The following HTR1E variants were observed in gnomAD, a reference collection of about 807,000 sequenced individuals.
HTR1E encodes 5-HT-1E.
A neutral mutation model predicts 3.4 loss-of-function variants in HTR1E; 3 were observed. That is an observed-to-expected ratio of 0.89 (90% CI 0.41 to 2.31). HTR1E has a LOEUF of 2.31. Among genes scored for constraint, HTR1E ranks in the 30% most tolerant of loss-of-function variants. The pLI is 0.05. For missense variants in HTR1E, 392 were observed against 467.0 expected, an observed-to-expected ratio of 0.84 and a Z score of 1.48; for synonymous variants, 170 against 182.8, an observed-to-expected ratio of 0.93 and a Z score of 0.56.
At chr6:86,978,626 G>A (rs1156736510) in intron 1 of HTR1E, among the ~76,000 whole-genome samples, 3 of 152,096 alleles carry the variant, frequency 2.0e-5, no homozygotes, top group Non-Finnish European at 4.4e-5. Flanking sequence ...ATTGACTTGG[G>A]CTTTTGTACT....
intron 1 of HTR1E, among the ~76,000 whole-genome samples, chr6:86,966,234 TAAGTGATTG>T (rs1444912853): frequency 6.6e-6 from 1 of 152,070 alleles, no homozygotes; most frequent in Non-Finnish European, 1.5e-5. Context: ...AAAGTCAGGT[TAAGTGATTG>T]AGTCCAAGGT....
rs759859497 is a variant in HTR1E, at chr6:87,016,135, C to G, written c.801C>G (p.Pro267=). 1 of 1,614,092 alleles carries G rather than the reference C, an allele frequency of 6.2e-7. No individual in the cohort carries two copies. The highest frequency in any genetic ancestry group is 1.3e-5 in the African/African-American group (1 of 74,936). Residue 267 remains proline (P), a synonymous_variant, in exon 2 of 2, where the codon CCC becomes CCG. Coordinates refer to ENST00000305344, the MANE Select transcript of HTR1E (RefSeq NM_000865.3). ...TCCATGCCTCCATCAGGATCCCCCCCTTCGACAATGATCTAGATCACCCAG... is the reference window on the plus strand; with the variant it reads ...TCCATGCCTCCATCAGGATCCCCCCGTTCGACAATGATCTAGATCACCCAG... The part of the protein sequence containing the change: ...EKFHASIRIP[P]FDNDLDHPGE...
At chr6:86,958,960 G>A (rs2127819858) in intron 1 of HTR1E, among the ~76,000 whole-genome samples, 1 of 148,162 alleles carries the variant, frequency 6.7e-6, no homozygotes, top group East Asian at 1.9e-4. Flanking sequence ...GTGTGTGTGT[G>A]TGTGTGTGTG....
chr6:87,006,474 G>T (rs1244009990), intron 1 of HTR1E, among the ~76,000 whole-genome samples: 1 of 152,218 alleles, frequency 6.6e-6, no homozygotes, highest in East Asian at 1.9e-4. Flanking sequence ...TACACTGTTA[G>T]TGGGAATGTA....
At chr6:86,964,339 G>A (rs1767445485) in intron 1 of HTR1E, among the ~76,000 whole-genome samples, 1 of 152,188 alleles carries the variant, frequency 6.6e-6, no homozygotes, top group Non-Finnish European at 1.5e-5. Flanking sequence ...CTAAGTGCAT[G>A]AATATGTGCA....
At chr6:86,997,093 C>T (rs1767950743) in intron 1 of HTR1E, among the ~76,000 whole-genome samples, 1 of 151,872 alleles carries the variant, frequency 6.6e-6, no homozygotes, top group Non-Finnish European at 1.5e-5. Flanking sequence ...AGAAAAATCA[C>T]ATGATGATAT....
chr6:86,962,058 A>C (rs1767415913), intron 1 of HTR1E, among the ~76,000 whole-genome samples: 1 of 152,186 alleles, frequency 6.6e-6, no homozygotes, highest in East Asian at 1.9e-4. Context: ...CACAAGATCA[A>C]GCACTGGGTG....
At chr6:86,961,000 A>G (rs1767400531) in intron 1 of HTR1E, among the ~76,000 whole-genome samples, 1 of 152,268 alleles carries the variant, frequency 6.6e-6, no homozygotes, top group East Asian at 1.9e-4. Context: ...CATATACTGT[A>G]TGTTTATCTA....
intron 1 of HTR1E, among the ~76,000 whole-genome samples, chr6:86,975,340 G>T (rs1767615167): frequency 6.6e-6 from 1 of 151,960 alleles, no homozygotes; most frequent in Admixed American, 6.5e-5. Flanking sequence ...TTCCATATAT[G>T]TCTCCCATCT....
At chr6:86,968,153 T>C (rs1172524760) in intron 1 of HTR1E, among the ~76,000 whole-genome samples, 1 of 152,232 alleles carries the variant, frequency 6.6e-6, no homozygotes, top group Non-Finnish European at 1.5e-5. Context: ...TTTTTAATGG[T>C]TGCATCCTAT....
intron 1 of HTR1E, among the ~76,000 whole-genome samples, chr6:86,985,259 G>A (rs911694050): frequency 4.6e-5 from 7 of 151,790 alleles, no homozygotes; most frequent in Non-Finnish European, 8.8e-5. Flanking sequence ...ATGTAGGAGC[G>A]CCAAAACTAG....
At chr6:86,938,363 G>C (rs912777853) in intron 1 of HTR1E, among the ~76,000 whole-genome samples, 1 of 152,148 alleles carries the variant, frequency 6.6e-6, no homozygotes, top group African/African-American at 2.4e-5. Context: ...AATGAGGCAG[G>C]CTCATTTTTT....
At position 87,007,571 on chromosome 6, in the gene HTR1E, A is replaced by G. The variant is rs138869408; in HGVS notation, c.-185-7579A>G. Among the ~76,000 whole-genome samples the G allele has an allele frequency of 1.6e-3, 237 of 152,310 alleles. 4 individuals carry two copies. The highest frequency in any genetic ancestry group is 5.8e-4 in the East Asian group (3 of 5,194). On this transcript the variant is annotated intron_variant, in intron 1 of 1. Transcript: ENST00000305344. ...TGATTACTTGTTGTATGCCTGTATC[A>G]AAATATCTCATATACCCCCTAAATA...
At chr6:86,972,371 AAAAGGTTACCT>A (rs1767571997) in intron 1 of HTR1E, among the ~76,000 whole-genome samples, 1 of 152,194 alleles carries the variant, frequency 6.6e-6, no homozygotes, top group Non-Finnish European at 1.5e-5. Flanking sequence ...CAGGGGAAAA[AAAAGGTTACCT>A]AAACTGAGTG....
At chr6:86,953,171 C>A (rs981489117) in intron 1 of HTR1E, among the ~76,000 whole-genome samples, 1 of 152,108 alleles carries the variant, frequency 6.6e-6, no homozygotes, top group Non-Finnish European at 1.5e-5. Context: ...TAAAAACATA[C>A]ACAGATACAA....
intron 1 of HTR1E, among the ~76,000 whole-genome samples, chr6:86,998,865 T>A (rs1767979001): frequency 6.6e-6 from 1 of 152,076 alleles, no homozygotes. Flanking sequence ...TTACCAAGAT[T>A]AAGAATGAAA....
intron 1 of HTR1E, among the ~76,000 whole-genome samples, chr6:86,961,293 C>T (rs909788608): frequency 1.3e-5 from 2 of 152,046 alleles, no homozygotes; most frequent in Non-Finnish European, 2.9e-5. Flanking sequence ...TAATGCTTAC[C>T]TACTGAATGT....
rs141002393 is a variant in HTR1E, at chr6:86,978,125, T to C, written c.-185-37025T>C. Among the ~76,000 whole-genome samples the C allele has an allele frequency of 1.1e-3, 165 of 152,338 alleles. 1 individual carries two copies. Among genetic ancestry groups the C allele is most frequent in the African/African-American group, 3.9e-3 (161 of 41,582 alleles). On this transcript the variant is annotated intron_variant, in intron 1 of 1. Coordinates refer to ENST00000305344, the MANE Select transcript of HTR1E (RefSeq NM_000865.3). ...TGCTTCCTACAGATGTTATTATAGA[T>C]ACTACTGAAAATATCAGTAGGGCAC...
chr6:86,988,445 A>G (rs1028789922), intron 1 of HTR1E, among the ~76,000 whole-genome samples: 1 of 152,158 alleles, frequency 6.6e-6, no homozygotes, highest in African/African-American at 2.4e-5. Context: ...TAGACAGGGT[A>G]TGAACATTTT....
Sources: allele counts gnomAD v4.1 joint callset (sites outside exome capture counted in the v4.1 genomes callset), GRCh38; gene constraint gnomAD v4.1.1; transcripts MANE v1.5; gene names NCBI Gene and HGNC (gene_info 2026-07-23, HGNC 2026-07-21).